Variants in ALKAL1 observed in about 807,000 individuals in gnomAD.
ALKAL1 encodes AUG-beta.
Under a neutral mutation model 13.5 loss-of-function variants are expected in ALKAL1, and 23 were observed. That is an observed-to-expected ratio of 1.70 (90% CI 1.23 to 2.41). ALKAL1 has a LOEUF of 2.41. ALKAL1 is among the 30% of genes most tolerant of loss of function. The pLI is 0.00. For missense variants in ALKAL1, 181 were observed against 178.4 expected, an observed-to-expected ratio of 1.01 and a Z score of -0.08; for synonymous variants, 85 against 77.7, an observed-to-expected ratio of 1.09 and a Z score of -0.49.
intron 1 of ALKAL1, among the ~76,000 whole-genome samples, chr8:52,558,926 C>G (rs1001340023): frequency 3.3e-5 from 5 of 152,060 alleles, no homozygotes; most frequent in Non-Finnish European, 7.4e-5. Flanking sequence ...CTGGGGAGAA[C>G]CTCAGGCTGC....
At position 52,538,632 on chromosome 8, in the gene ALKAL1, T is replaced by C. The variant is rs927720846; in HGVS notation, c.326-125A>G. 11 of 632,816 alleles carry C rather than the reference T, an allele frequency of 1.7e-5. No individual in the cohort carries two copies. In the African/African-American group the frequency reaches 2.0e-4, roughly 12 times the overall value. 39.2% of individuals were successfully genotyped at this position (632,816 alleles called of 1,614,324 possible). A position where few individuals can be genotyped will look rare whatever the true frequency, so the allele number is the denominator to read the frequency against. Reference sequence around the variant, plus strand: ...TTTAATAAATACCTACTATGTTAAGTGCTGAAAATGGATTTTCTCATCAAT... The same window carrying C: ...TTTAATAAATACCTACTATGTTAAGCGCTGAAAATGGATTTTCTCATCAAT... On this transcript the variant is annotated intron_variant, in intron 3 of 4. Transcript: ENST00000358543.
rs1847588525 is a variant in ALKAL1, at chr8:52,565,192, G to A, written c.65C>T (p.Pro22Leu). ...CCGGGGCCTCCCGTGGGCTCCGTGC[G>A]GGGACAAAGCCAGCGCCAGCAGGAA... ...ALFLLALALSPHGAHGRPRGR... is the reference protein window; with the variant it reads ...ALFLLALALSLHGAHGRPRGR... Residue 22 changes from proline to leucine, a missense_variant, in exon 1 of 5, where the codon CCG becomes CTG. Pro to Leu is a moderately conservative substitution (Grantham distance 98). Transcript: ENST00000358543. 2 of 1,359,916 alleles carry A rather than the reference G, an allele frequency of 1.5e-6. No individual in the cohort carries two copies. Among genetic ancestry groups the A allele is most frequent in the East Asian group, 3.1e-5 (1 of 32,314 alleles). The allele number at this position is 1,359,916 out of a possible 1,614,324, so 84.2% of individuals were successfully genotyped here.
Position 52,534,411 on chromosome 8 carries a change from C to G in ALKAL1, c.*202G>C, listed in dbSNP as rs1443002657. 6 of 392,380 alleles carry G rather than the reference C, an allele frequency of 1.5e-5. No homozygotes were observed. Among genetic ancestry groups the G allele is most frequent in the African/African-American group, 4.1e-5 (2 of 48,378 alleles). The allele number at this position is 392,380 out of a possible 1,614,324, so 24.3% of individuals were successfully genotyped here. Reference sequence around the variant, plus strand: ...CTCTGTTTTACAAAATTATAAATTACTGTATACACAAAAAGATAAAGCAAG... The same window carrying G: ...CTCTGTTTTACAAAATTATAAATTAGTGTATACACAAAAAGATAAAGCAAG... On this transcript the variant is annotated 3_prime_UTR_variant, in exon 5 of 5. Coordinates refer to ENST00000358543, the MANE Select transcript of ALKAL1 (RefSeq NM_207413.4).
At chr8:52,562,519 C>A (rs1847560893) in intron 1 of ALKAL1, among the ~76,000 whole-genome samples, 1 of 152,084 alleles carries the variant, frequency 6.6e-6, no homozygotes, top group African/African-American at 2.4e-5. Context: ...CTAACACAGT[C>A]CCCCACTCTC....
rs1847283037 is a variant in ALKAL1 at position 52,538,497 on chromosome 8, T to A, written c.336A>T (p.Arg112Ser). 1 of 1,606,864 alleles carries A rather than the reference T, an allele frequency of 6.2e-7. No homozygotes were observed. The highest frequency in any genetic ancestry group is 8.5e-7 in the Non-Finnish European group (1 of 1,174,686). Residue 112 changes from arginine (R) to serine (S), a missense_variant, in exon 4 of 5, where the codon AGA (arginine) becomes AGT (serine). Physicochemically the swap from Arg to Ser is moderately radical, Grantham distance 110. Coordinates refer to ENST00000358543, the MANE Select transcript of ALKAL1 (RefSeq NM_207413.4). ...RECSTPAYYKRCARLLTRLAV... is the reference protein window; with the variant it reads ...RECSTPAYYKSCARLLTRLAV... ...CTAATCTTGTTAACAATCTAGCACATCTTTTGTAATCTAGGAAAAACATTT... is the reference window on the plus strand; with the variant it reads ...CTAATCTTGTTAACAATCTAGCACAACTTTTGTAATCTAGGAAAAACATTT...
intron 1 of ALKAL1, among the ~76,000 whole-genome samples, chr8:52,558,747 T>A (rs935150851): frequency 6.6e-6 from 1 of 152,186 alleles, no homozygotes; most frequent in Non-Finnish European, 1.5e-5. Flanking sequence ...ATTTGGATAG[T>A]ACTGATTTGT....
In ALKAL1 at chr8:52,559,258, A is replaced by G. The variant is rs117281716; in HGVS notation, c.190+5809T>C. Among the ~76,000 whole-genome samples the G allele has an allele frequency of 4.3e-3, 661 of 152,306 alleles. 3 individuals are homozygous for G. The highest frequency in any genetic ancestry group is 0.024 in the South Asian group (114 of 4,824). ...TTCTAAAAAAGGGGGCTTAATCGTT[A>G]TGTTCCCAAAGCTGGTAGACCAAGG... On this transcript the variant is annotated intron_variant, in intron 1 of 4. Coordinates refer to ENST00000358543, the MANE Select transcript of ALKAL1 (RefSeq NM_207413.4).
intron 3 of ALKAL1, 74 bp downstream of exon 3, chr8:52,539,757 A>G: frequency 1.8e-6 from 2 of 1,101,102 alleles, no homozygotes; most frequent in Middle Eastern, 2.0e-4. Context: ...CCACCCACAG[A>G]CATTTGAAGT....
At chr8:52,546,124 C>T (rs1279647089) in intron 1 of ALKAL1, among the ~76,000 whole-genome samples, 1 of 152,182 alleles carries the variant, frequency 6.6e-6, no homozygotes, top group African/African-American at 2.4e-5. Context: ...ATGGTATATG[C>T]AGTCTGTAGA....
intron 4 of ALKAL1, 98 bp downstream of exon 4, chr8:52,538,333 T>G: frequency 4.2e-6 from 3 of 707,304 alleles, no homozygotes; most frequent in Admixed American, 2.7e-5. Context: ...CCCATAAATA[T>G]GTACAATCAT....
In ALKAL1 at chr8:52,565,201, G is replaced by C. The variant is rs1443059687; in HGVS notation, c.56C>G (p.Ala19Gly). The C allele has an allele frequency of 2.1e-5, 28 of 1,345,410 alleles. 1 individual carries two copies. In the East Asian group the frequency reaches 8.4e-4, roughly 40 times the overall value. The allele number at this position is 1,345,410 out of a possible 1,614,324, so 83.3% of individuals were successfully genotyped here. A position where few individuals can be genotyped will look rare whatever the true frequency, so the allele number is the denominator to read the frequency against. Residue 19 changes from alanine (A) to glycine (G), a missense_variant, in exon 1 of 5, where the codon GCT becomes GGT. Transcript: ENST00000358543. ...CCCGTGGGCTCCGTGCGGGGACAAA[G>C]CCAGCGCCAGCAGGAAGAGTGCGGG... ...PLPALFLLAL[A>G]LSPHGAHGRP...
intron 3 of ALKAL1, 52 bp from the exon 4 acceptor site, chr8:52,538,559 G>A (rs750923236): frequency 8.4e-7 from 1 of 1,187,508 alleles, no homozygotes; most frequent in Non-Finnish European, 1.2e-6. Context: ...AGAAATGTTG[G>A]GGAAATCCTG....
intron 1 of ALKAL1, among the ~76,000 whole-genome samples, chr8:52,553,353 A>C (rs935440974): frequency 6.6e-6 from 1 of 152,204 alleles, no homozygotes; most frequent in African/African-American, 2.4e-5. Flanking sequence ...ATCTCTAAAA[A>C]AAAATTGGAA....
Position 52,539,856 on chromosome 8 carries a change from A to T in ALKAL1, c.300T>A (p.Asn100Lys), listed in dbSNP as rs774185678. 1 of 1,613,508 alleles carries T rather than the reference A, an allele frequency of 6.2e-7. No homozygotes were observed. The change falls in exon 3 of 5, where the codon AAT becomes AAA. Residue 100 changes from asparagine (N) to lysine (K), a missense_variant. Coordinates refer to ENST00000358543, the MANE Select transcript of ALKAL1 (RefSeq NM_207413.4). ...AAGCTGGCGTTGAGCACTCCCTGGT[A>T]TTGTAATAGAGTCGGTGGAAATGTT... Reference protein sequence around the residue: ...CSKHFHRLYYNTRECSTPAYY... With the variant: ...CSKHFHRLYYKTRECSTPAYY...
chr8:52,553,027 T>C (rs574008275), intron 1 of ALKAL1, among the ~76,000 whole-genome samples: 81 of 152,304 alleles, frequency 5.3e-4, no homozygotes, highest in Admixed American at 2.6e-4. Context: ...ATCCAGTGTT[T>C]AAATTATTTC....
At chr8:52,553,386 A>G (rs1847448975) in intron 1 of ALKAL1, among the ~76,000 whole-genome samples, 1 of 152,160 alleles carries the variant, frequency 6.6e-6, no homozygotes, top group South Asian at 2.1e-4. Flanking sequence ...GTAACATTTC[A>G]CTGATTATAA....
At chr8:52,564,918 T>C in intron 1 of ALKAL1, 149 bp downstream of exon 1, 1 of 593,316 alleles carries the variant, frequency 1.7e-6, no homozygotes, top group Non-Finnish European at 2.5e-6. Flanking sequence ...TTACGACCTC[T>C]TTCCGAGAGC....
intron 1 of ALKAL1, among the ~76,000 whole-genome samples, chr8:52,556,929 T>C (rs1490835886): frequency 6.6e-6 from 1 of 152,218 alleles, no homozygotes; most frequent in Non-Finnish European, 1.5e-5. Flanking sequence ...TAGTAATTTT[T>C]ATTCTTTTGA....
chr8:52,555,467 A>G (rs1847473479), intron 1 of ALKAL1, among the ~76,000 whole-genome samples: 1 of 152,192 alleles, frequency 6.6e-6, no homozygotes, highest in Non-Finnish European at 1.5e-5. Flanking sequence ...GGAAACGGTC[A>G]AGATTGAGAT....
Sources: allele counts gnomAD v4.1 joint callset (sites outside exome capture counted in the v4.1 genomes callset), GRCh38; gene constraint gnomAD v4.1.1; transcripts MANE v1.5; gene names NCBI Gene and HGNC (gene_info 2026-07-23, HGNC 2026-07-21).